The following NFX1 variants were observed in gnomAD, a reference collection of about 807,000 sequenced individuals.
NFX1 encodes the protein nuclear transcription factor, X-box binding 1.
NFX1 carries 69 observed loss-of-function variants against 137.2 expected under a neutral mutation model. That is an observed-to-expected ratio of 0.50 (90% confidence interval 0.41 to 0.61). The LOEUF (loss-of-function observed/expected upper bound fraction) is 0.61, where lower values mean the gene tolerates loss of function less well. Among genes scored for constraint, NFX1 ranks in the 20% least tolerant of loss-of-function variants. The pLI is 0.00. For synonymous variants in NFX1, 495 were observed against 474.1 expected (o/e 1.04, Z -0.57); for missense variants, 1,167 against 1,391.0 (o/e 0.84, Z 2.56).
chr9:33,291,622 G>A (rs543446482), intron 1 of NFX1, among the ~76,000 whole-genome samples: 2 of 152,310 alleles, frequency 1.3e-5, no homozygotes, highest in South Asian at 4.1e-4. Flanking sequence ...AAAAAGTTAG[G>A]GCCGGGCGTG....
chr9:33,310,222 A>C (rs1177703348), intron 5 of NFX1, among the ~76,000 whole-genome samples: 1 of 152,164 alleles, frequency 6.6e-6, no homozygotes, highest in East Asian at 1.9e-4. Context: ...TTTTACAGCA[A>C]ATTCTGTTAC....
At chr9:33,333,198 CT>C (rs565443879) in intron 11 of NFX1, among the ~76,000 whole-genome samples, 3 of 152,170 alleles carry the variant, frequency 2.0e-5, no homozygotes, top group East Asian at 3.9e-4. Context: ...ATTTTAAAAC[CT>C]TTTTGGAAAA....
chr9:33,341,280 C>T (rs1264281568), intron 12 of NFX1, among the ~76,000 whole-genome samples: 1 of 152,122 alleles, frequency 6.6e-6, no homozygotes, highest in Admixed American at 6.6e-5. Flanking sequence ...AGGGAGAGAG[C>T]TTGTGCAGGG....
At position 33,343,946 on chromosome 9, in the gene NFX1, A is replaced by G. The variant is rs1390684964; in HGVS notation, c.2225-123A>G. ...AATAAAAACCTCTTTTGAAAAAAGT[A>G]GCACCCCCATAAATTCTCCTCTAAA... On this transcript the variant is annotated intron_variant, in intron 13 of 23. Transcript: ENST00000379540. 3.3e-5 allele frequency: 42 copies of G among 1,258,728 alleles called. No homozygotes were observed. The Admixed American group carries it at 8.2e-4, about 24-fold the overall frequency. 78.0% of individuals were successfully genotyped at this position (1,258,728 alleles called of 1,614,324 possible).
At chr9:33,319,201 G>A in intron 9 of NFX1, 74 bp downstream of exon 9, 2 of 1,212,854 alleles carry the variant, frequency 1.6e-6, no homozygotes, top group Non-Finnish European at 2.4e-6. Context: ...TTTAAGCAAT[G>A]TAGAAGTAAG....
At chr9:33,333,380 C>A (rs974110403) in intron 11 of NFX1, among the ~76,000 whole-genome samples, 1 of 152,010 alleles carries the variant, frequency 6.6e-6, no homozygotes, top group East Asian at 1.9e-4. Context: ...AGAACAAGTC[C>A]GAGATTGGTT....
At chr9:33,359,722 G>A (rs1564148349) in intron 19 of NFX1, among the ~76,000 whole-genome samples, 1 of 152,116 alleles carries the variant, frequency 6.6e-6, no homozygotes, top group Non-Finnish European at 1.5e-5. Flanking sequence ...AGATCAAGAG[G>A]CATTTATTCA....
intron 7 of NFX1, among the ~76,000 whole-genome samples, chr9:33,317,543 A>C (rs1359460536): frequency 6.7e-6 from 1 of 149,728 alleles, no homozygotes; most frequent in Non-Finnish European, 1.5e-5. Flanking sequence ...TAAAAAAAAA[A>C]AATCAAGGCA....
chr9:33,336,365 G>A (rs1183828162), intron 11 of NFX1, among the ~76,000 whole-genome samples: 4 of 152,028 alleles, frequency 2.6e-5, no homozygotes, highest in South Asian at 2.1e-4. Context: ...ACAGGTGCCC[G>A]CCACCGCGCC....
intron 18 of NFX1, 37 bp downstream of exon 18, chr9:33,354,224 C>T (rs371037122): frequency 2.1e-5 from 31 of 1,493,156 alleles, no homozygotes; most frequent in Non-Finnish European, 2.8e-5. Context: ...CTTCTTTCTT[C>T]AATTAGACTT....
At position 33,370,055 on chromosome 9, in the gene NFX1, G is replaced by T. The variant is rs993448908; in HGVS notation, c.*77G>T. The T allele has an allele frequency of 9.2e-7, 1 of 1,091,236 alleles. No homozygotes were observed. The highest frequency in any genetic ancestry group is 1.4e-6 in the Non-Finnish European group (1 of 724,456). The allele number at this position is 1,091,236 out of a possible 1,614,324, so 67.6% of individuals were successfully genotyped here. ...ATTTGCCAGCAGATAAATCATGCCC[G>T]TTCCCCTCTGCCTGGCAGAATCACA... On this transcript the variant is annotated 3_prime_UTR_variant, in exon 24 of 24. Coordinates refer to ENST00000379540, the MANE Select transcript of NFX1 (RefSeq NM_002504.6).
chr9:33,334,107 TGCTCTCCAGCCTGG>T (rs1822911681), intron 11 of NFX1, among the ~76,000 whole-genome samples: 2 of 152,236 alleles, frequency 1.3e-5, no homozygotes, highest in East Asian at 3.9e-4. Context: ...ATCACACCAT[TGCTCTCCAGCCTGG>T]GCGACAGAGT....
rs1257577515 is a variant in NFX1 at position 33,294,454 on chromosome 9, C to G, written c.60C>G (p.Phe20Leu). The change falls in exon 2 of 24, where the codon TTC (phenylalanine) becomes TTG (leucine). Residue 20 changes from phenylalanine to leucine, a missense_variant. Coordinates refer to ENST00000379540, the MANE Select transcript of NFX1 (RefSeq NM_002504.6). Reference protein sequence around the residue: ...TFKFNTDAAEFIPQEKKNSGL... With the variant: ...TFKFNTDAAELIPQEKKNSGL... ...AATTCAATACAGATGCTGCTGAATTCATTCCTCAGGAGAAAAAAAATTCTG... is the reference window on the plus strand; with the variant it reads ...AATTCAATACAGATGCTGCTGAATTGATTCCTCAGGAGAAAAAAAATTCTG... 3 of 1,595,956 alleles carry G rather than the reference C, an allele frequency of 1.9e-6. No individual in the cohort carries two copies. Among genetic ancestry groups the G allele is most frequent in the Non-Finnish European group, 2.6e-6 (3 of 1,173,234 alleles).
Position 33,352,632 on chromosome 9 carries a change from T to C in NFX1, c.2656-14T>C. The C allele has an allele frequency of 6.2e-7, 1 of 1,613,490 alleles. No individual in the cohort carries two copies. Among genetic ancestry groups the C allele is most frequent in the Non-Finnish European group, 8.5e-7 (1 of 1,179,382 alleles). On this transcript the variant is annotated splice_polypyrimidine_tract_variant and intron_variant, in intron 16 of 23. Transcript: ENST00000379540. ...CAGTGTGCTAAAAGTCGTTCCATGT[T>C]CATCTGACTTCAGGTAGAGCTACAG...
At chr9:33,354,309 T>A in intron 18 of NFX1, 122 bp downstream of exon 18, 1 of 776,808 alleles carries the variant, frequency 1.3e-6, no homozygotes, top group Non-Finnish European at 2.0e-6. Flanking sequence ...AAGTATTCAA[T>A]AGACAATTTG....
chr9:33,361,787 A>G (rs923130457), intron 19 of NFX1, among the ~76,000 whole-genome samples: 8 of 151,228 alleles, frequency 5.3e-5, no homozygotes, highest in Non-Finnish European at 1.0e-4. Flanking sequence ...GCAAGACTCC[A>G]TCTCCAAAAA....
At chr9:33,323,351 G>A (rs1374672227) in intron 9 of NFX1, among the ~76,000 whole-genome samples, 3 of 152,162 alleles carry the variant, frequency 2.0e-5, no homozygotes, top group Non-Finnish European at 1.5e-5. Flanking sequence ...CCAAGAAAAA[G>A]TATGAAATGT....
chr9:33,354,581 A>G lies in NFX1; in HGVS notation c.2832-270A>G, dbSNP rs75697802. ...CCACTGGAGGACTCCTAGACCCCATAACAGAGAGGCCATCATCCCACCTGT... is the reference window on the plus strand; with the variant it reads ...CCACTGGAGGACTCCTAGACCCCATGACAGAGAGGCCATCATCCCACCTGT... On this transcript the variant is annotated intron_variant, in intron 18 of 23. Coordinates refer to ENST00000379540, the MANE Select transcript of NFX1 (RefSeq NM_002504.6). 8.3e-3 allele frequency among the ~76,000 whole-genome samples: 1,257 copies of G among 152,286 alleles called. 5 individuals are homozygous for G. Among genetic ancestry groups the G allele is most frequent in the Non-Finnish European group, 0.014 (919 of 68,012 alleles).
chr9:33,307,128 G>A, intron 4 of NFX1, 66 bp from the exon 5 acceptor site: 4 of 1,309,580 alleles, frequency 3.1e-6, no homozygotes, highest in African/African-American at 1.5e-5. Flanking sequence ...ATACTTTACT[G>A]TTTCATTAAA....
Sources: allele counts gnomAD v4.1 joint callset (sites outside exome capture counted in the v4.1 genomes callset), GRCh38; gene constraint gnomAD v4.1.1; transcripts MANE v1.5; gene names NCBI Gene and HGNC (gene_info 2026-07-23, HGNC 2026-07-21).